Variants in CIT observed in about 807,000 individuals in gnomAD.
CIT encodes the protein citron rho-interacting serine/threonine kinase.
In CIT, 79 loss-of-function variants were observed where a neutral mutation model predicts 272.7. That is an observed-to-expected ratio of 0.29 (90% confidence interval 0.24 to 0.35). The LOEUF (loss-of-function observed/expected upper bound fraction) is 0.35, where lower values mean the gene tolerates loss of function less well. Ranked by LOEUF, CIT falls within the 10% of genes least tolerant of loss-of-function variation. The pLI is 1.00. For missense variants in CIT, 1,909 were observed against 2,618.3 expected, an observed-to-expected ratio of 0.73 and a Z score of 5.91; for synonymous variants, 948 against 995.6, an observed-to-expected ratio of 0.95 and a Z score of 0.90.
chr12:119,848,576 T>C (rs1969982194), intron 5 of CIT, among the ~76,000 whole-genome samples: 1 of 152,208 alleles, frequency 6.6e-6, no homozygotes, highest in African/African-American at 2.4e-5. Context: ...GGGAAAATTA[T>C]GCCACTGCTC....
rs143634844 is a variant in CIT at position 119,778,642 on chromosome 12, GC to G, written c.1666-1801del. On this transcript the variant is annotated intron_variant, in intron 13 of 47. Coordinates refer to ENST00000392521, the MANE Select transcript of CIT (RefSeq NM_001206999.2). The stretch of plus-strand genomic sequence containing the variant: ...CTTTTATCCCATTGTAGCAGGTGAC[GC>G]CCCCCCCCCAGAGCATATTAAAGGG... Among the ~76,000 whole-genome samples, 1,170 of 149,332 alleles carry G rather than the reference GC, an allele frequency of 7.8e-3. 17 individuals are homozygous for G. The highest frequency in any genetic ancestry group is 0.027 in the African/African-American group (1,090 of 40,474).
chr12:119,825,288 G>A lies in CIT; in HGVS notation c.834C>T (p.Gly278=). 1 of 1,614,102 alleles carries A rather than the reference G, an allele frequency of 6.2e-7. No homozygotes were observed. Among genetic ancestry groups the A allele is most frequent in the Non-Finnish European group, 8.5e-7 (1 of 1,180,020 alleles). Residue 278 remains glycine (G), a synonymous_variant, in exon 8 of 48, where the codon GGC becomes GGT. Transcript: ENST00000392521. Reference sequence around the variant, plus strand: ...ACCAGTCACAGTCCAGGCCGTAGGTGCCTTTTCCATCCCCGTTCATCACAG... The same window carrying A: ...ACCAGTCACAGTCCAGGCCGTAGGTACCTTTTCCATCCCCGTTCATCACAG... The part of the protein sequence containing the change: ...VLTVMNGDGK[G]TYGLDCDWWS...
chr12:119,866,446 C>A (rs1460994580), intron 3 of CIT, among the ~76,000 whole-genome samples: 1 of 152,182 alleles, frequency 6.6e-6, no homozygotes, highest in African/African-American at 2.4e-5. Flanking sequence ...GCTCAGAGGT[C>A]AGCAAGCCTT....
At chr12:119,830,915 G>A (rs115179110) in intron 7 of CIT, among the ~76,000 whole-genome samples, 2,802 of 152,240 alleles carry the variant, frequency 0.018, 79 homozygotes, top group African/African-American at 0.063. Flanking sequence ...CGCCCAGGCT[G>A]GAATGCAATG....
intron 7 of CIT, among the ~76,000 whole-genome samples, chr12:119,829,252 C>T (rs1393155385): frequency 1.3e-5 from 2 of 152,040 alleles, no homozygotes; most frequent in Non-Finnish European, 2.9e-5. Context: ...GCAGGAGAAT[C>T]TCTTGAACCC....
In CIT at chr12:119,784,617, G is replaced by A. The variant is rs925909306; in HGVS notation, c.1401+343C>T. The A allele has an allele frequency of 5.0e-6, 6 of 1,202,414 alleles. No homozygotes were observed. In the Admixed American group the frequency reaches 2.5e-4, roughly 50 times the overall value. The allele number at this position is 1,202,414 out of a possible 1,614,324, so 74.5% of individuals were successfully genotyped here. A position where few individuals can be genotyped will look rare whatever the true frequency, so the allele number is the denominator to read the frequency against. ...CAGGAGTTTTAAAAGACTAGGAAGA[G>A]AGACTTCGCATCACTCAAAGCAGAT... On this transcript the variant is annotated intron_variant, in intron 11 of 47. Coordinates refer to ENST00000392521, the MANE Select transcript of CIT (RefSeq NM_001206999.2). This position sits in a 1 kb window ranked among gnomAD's most constrained non-coding sequence, Gnocchi z 4.7.
chr12:119,775,986 G>T, intron 15 of CIT, 147 bp from the exon 16 acceptor site: 1 of 634,480 alleles, frequency 1.6e-6, no homozygotes, highest in Non-Finnish European at 2.7e-6. Flanking sequence ...AAGAACAGTG[G>T]CCTCTCAGGG....
intron 46 of CIT, among the ~76,000 whole-genome samples, chr12:119,692,985 G>A (rs193127769): frequency 1.9e-3 from 285 of 152,214 alleles, no homozygotes; most frequent in Middle Eastern, 6.8e-3. Flanking sequence ...AATAAATTCC[G>A]AGTAGGAGAA....
At chr12:119,833,663 CAAAAAAAAAAA>C (rs35433156) in intron 6 of CIT, among the ~76,000 whole-genome samples, 1 of 83,812 alleles carries the variant, frequency 1.2e-5, no homozygotes, top group Middle Eastern at 6.3e-3. Context: ...GACTCTGTCT[CAAAAAAAAAAA>C]AAAAAAAAAA....
chr12:119,842,422 G>C (rs1969472629), intron 5 of CIT, among the ~76,000 whole-genome samples: 1 of 145,448 alleles, frequency 6.9e-6, no homozygotes, highest in Non-Finnish European at 1.5e-5. Flanking sequence ...AATACTGCAA[G>C]TGGTGGGATG....
At chr12:119,725,711 C>T (rs969026912) in intron 28 of CIT, among the ~76,000 whole-genome samples, 2 of 152,186 alleles carry the variant, frequency 1.3e-5, no homozygotes, top group Admixed American at 6.5e-5. Context: ...AAGGAGGGAA[C>T]TGAATTGGGA....
intron 9 of CIT, among the ~76,000 whole-genome samples, chr12:119,817,169 G>C (rs917175077): frequency 3.3e-5 from 5 of 152,142 alleles, no homozygotes; most frequent in African/African-American, 1.2e-4. Context: ...CTGTATGTGG[G>C]GAAGAGATCA....
chr12:119,847,678 G>A (rs575393909), intron 5 of CIT, among the ~76,000 whole-genome samples: 1 of 152,190 alleles, frequency 6.6e-6, no homozygotes, highest in South Asian at 2.1e-4. Context: ...ATCATCTGAG[G>A]TCAGGAGTTT....
In CIT at chr12:119,770,649, G is replaced by T; in HGVS notation, c.2208+136C>A. The T allele has an allele frequency of 1.0e-6, 1 of 971,952 alleles. No individual in the cohort carries two copies. The highest frequency in any genetic ancestry group is 1.6e-6 in the Non-Finnish European group (1 of 638,826). 60.2% of individuals were successfully genotyped at this position (971,952 alleles called of 1,614,324 possible). A position where few individuals can be genotyped will look rare whatever the true frequency, so the allele number is the denominator to read the frequency against. The stretch of plus-strand genomic sequence containing the variant: ...CATACTACTCTACGATGTGGCATAT[G>T]CTGAAACCACCTCACTCAATTCATC... On this transcript the variant is annotated intron_variant, in intron 18 of 47. Coordinates refer to ENST00000392521, the MANE Select transcript of CIT (RefSeq NM_001206999.2). This position sits in a 1 kb window ranked among gnomAD's most constrained non-coding sequence, Gnocchi z 4.4.
intron 10 of CIT, among the ~76,000 whole-genome samples, 199 bp downstream of exon 10, chr12:119,803,007 T>A (rs73215391): frequency 5.9e-5 from 9 of 152,192 alleles, no homozygotes; most frequent in Non-Finnish European, 1.0e-4. Context: ...AACAGGTACC[T>A]TACACACTGC....
intron 20 of CIT, among the ~76,000 whole-genome samples, 161 bp from the exon 21 acceptor site, chr12:119,758,861 A>C (rs1183404722): frequency 6.6e-6 from 1 of 152,198 alleles, no homozygotes; most frequent in Non-Finnish European, 1.5e-5. Flanking sequence ...GGTACCACTC[A>C]AATGGATGGT....
intron 8 of CIT, among the ~76,000 whole-genome samples, chr12:119,824,722 T>A (rs903515316): frequency 2.5e-4 from 38 of 152,338 alleles, no homozygotes; most frequent in African/African-American, 8.9e-4. Flanking sequence ...ACAATACGTA[T>A]AAAATATTCA....
chr12:119,740,382 A>T (rs1255921551), intron 24 of CIT, among the ~76,000 whole-genome samples: 1 of 152,186 alleles, frequency 6.6e-6, no homozygotes, highest in Non-Finnish European at 1.5e-5. Flanking sequence ...TACAATAAAT[A>T]TTTTGTTTTT....
chr12:119,813,272 T>A (rs1228760417), intron 9 of CIT, among the ~76,000 whole-genome samples: 1 of 152,260 alleles, frequency 6.6e-6, no homozygotes, highest in Non-Finnish European at 1.5e-5. Context: ...GCCAGTGCTG[T>A]AGTTGAATGT....
Sources: gnomAD v4.1 joint callset for allele counts (sites outside exome capture counted in the v4.1 genomes callset) on GRCh38, gnomAD v4.1.1 for gene constraint, Gnocchi (gnomAD v3.1) non-coding constraint, MANE v1.5 for transcripts, NCBI Gene and HGNC (gene_info 2026-07-23, HGNC 2026-07-21) for gene names.